The following ATP6V0A4 variants were observed in gnomAD, a reference collection of about 807,000 sequenced individuals.
ATP6V0A4 encodes the protein ATPase H+ transporting V0 subunit a4, also known as V-type proton ATPase 116 kDa subunit a 4.
A neutral mutation model predicts 107.3 loss-of-function variants in ATP6V0A4; 86 were observed. The ratio of observed to expected loss-of-function variants is 0.80; its 90% confidence interval spans 0.67 to 0.96. The LOEUF (loss-of-function observed/expected upper bound fraction) is 0.96. Ranked by LOEUF, ATP6V0A4 falls within the 40% of genes least tolerant of loss-of-function variation. The pLI, the probability that ATP6V0A4 is intolerant of heterozygous loss-of-function variation, is 0.00. For synonymous variants in ATP6V0A4, 353 were observed against 381.4 expected, an observed-to-expected ratio of 0.93 and a Z score of 0.87; for missense variants, 908 against 1,045.6, an observed-to-expected ratio of 0.87 and a Z score of 1.81.
At chr7:138,743,326 T>C (rs557838602) in intron 14 of ATP6V0A4, among the ~76,000 whole-genome samples, 72 of 151,568 alleles carry the variant, frequency 4.8e-4, no homozygotes, top group African/African-American at 1.7e-3. Context: ...GGTGTGGTGG[T>C]GTGTGCCTGT....
At position 138,735,093 on chromosome 7, in the gene ATP6V0A4, C is replaced by G. The variant is rs532284800; in HGVS notation, c.1573-839G>C. On this transcript the variant is annotated intron_variant, in intron 15 of 21. Coordinates refer to ENST00000310018, the MANE Select transcript of ATP6V0A4 (RefSeq NM_020632.3). ...GGGGATCATGTGTACCTGTCCTGCC[C>G]CAAATGATATCGATGATACTGACAT... Among the ~76,000 whole-genome samples, 3 of 152,220 alleles carry G rather than the reference C, an allele frequency of 2.0e-5. No homozygotes were observed. The South Asian group carries it at 6.2e-4, about 32-fold the overall frequency.
intron 18 of ATP6V0A4, among the ~76,000 whole-genome samples, chr7:138,728,299 C>T (rs1267752494): frequency 2.0e-5 from 3 of 151,762 alleles, no homozygotes; most frequent in Middle Eastern, 3.4e-3. Flanking sequence ...CTCGGCTCAC[C>T]GCAATCTCCC....
At chr7:138,738,685 C>T (rs998909205) in intron 15 of ATP6V0A4, among the ~76,000 whole-genome samples, 4 of 152,042 alleles carry the variant, frequency 2.6e-5, no homozygotes, top group Admixed American at 6.6e-5. Context: ...GGCAGGGAGG[C>T]GGGCGATAGC....
At chr7:138,746,329 T>C (rs1805950401) in intron 13 of ATP6V0A4, among the ~76,000 whole-genome samples, 1 of 151,976 alleles carries the variant, frequency 6.6e-6, no homozygotes, top group African/African-American at 2.4e-5. Flanking sequence ...ATAATGTGTG[T>C]CAATCATTCC....
chr7:138,789,630 T>C (rs371380214), intron 1 of ATP6V0A4, among the ~76,000 whole-genome samples: 1 of 151,922 alleles, frequency 6.6e-6, no homozygotes, highest in African/African-American at 2.4e-5. Flanking sequence ...AAAATCTGTC[T>C]GCTTCATTGT....
intron 10 of ATP6V0A4, among the ~76,000 whole-genome samples, chr7:138,755,121 C>A (rs909256854): frequency 2.0e-5 from 3 of 152,102 alleles, no homozygotes. Flanking sequence ...GCGAGGGAGG[C>A]CCAGCTGTTT....
intron 15 of ATP6V0A4, among the ~76,000 whole-genome samples, chr7:138,736,361 T>C (rs1437269485): frequency 6.6e-6 from 1 of 152,220 alleles, no homozygotes; most frequent in South Asian, 2.1e-4. Context: ...CTATGAGATA[T>C]AGTTATTCTC....
At position 138,759,881 on chromosome 7, in the gene ATP6V0A4, A is replaced by G. The variant is rs781236972; in HGVS notation, c.513-3T>C. The G allele has an allele frequency of 3.7e-6, 6 of 1,613,936 alleles. No individual in the cohort carries two copies. Among genetic ancestry groups the G allele is most frequent in the Non-Finnish European group, 5.1e-6 (6 of 1,179,998 alleles). ...TGTTGATCACACCGGCTATGAACCT[A>G]GGCAGCCAGAAGGGAAGACATTCCT... On this transcript the variant is annotated splice_region_variant and splice_polypyrimidine_tract_variant and intron_variant, in intron 7 of 21. Coordinates refer to ENST00000310018, the MANE Select transcript of ATP6V0A4 (RefSeq NM_020632.3).
chr7:138,710,285 G>A (rs531604758), intron 20 of ATP6V0A4, among the ~76,000 whole-genome samples: 1 of 149,604 alleles, frequency 6.7e-6, no homozygotes, highest in Non-Finnish European at 1.5e-5. Context: ...TCTACCTCCC[G>A]AGTTCAAGCA....
intron 2 of ATP6V0A4, among the ~76,000 whole-genome samples, chr7:138,785,731 A>G (rs1380670748): frequency 1.3e-5 from 2 of 152,076 alleles, no homozygotes; most frequent in East Asian, 1.9e-4. Flanking sequence ...CCTCCATTGT[A>G]TGCACACACA....
At chr7:138,712,357 A>G (rs559446955) in intron 20 of ATP6V0A4, among the ~76,000 whole-genome samples, 24 of 152,286 alleles carry the variant, frequency 1.6e-4, no homozygotes, top group African/African-American at 5.5e-4. Flanking sequence ...GGGTCTAAAT[A>G]AGACAGGAGG....
intron 15 of ATP6V0A4, among the ~76,000 whole-genome samples, chr7:138,739,197 G>A (rs1436329530): frequency 6.6e-6 from 1 of 152,134 alleles, no homozygotes; most frequent in Non-Finnish European, 1.5e-5. Flanking sequence ...ACAAAGCAGG[G>A]AACTTAAACT....
At chr7:138,774,438 G>T (rs1232808328) in intron 2 of ATP6V0A4, among the ~76,000 whole-genome samples, 1 of 151,762 alleles carries the variant, frequency 6.6e-6, no homozygotes, top group African/African-American at 2.4e-5. Context: ...AAAATGAGCA[G>T]AGTGTGGTGG....
chr7:138,787,785 C>T (rs1290942046), intron 1 of ATP6V0A4, among the ~76,000 whole-genome samples: 1 of 152,104 alleles, frequency 6.6e-6, no homozygotes, highest in Admixed American at 6.5e-5. Context: ...ATCGCTTGAG[C>T]CCAGGAGTTT....
chr7:138,725,514 A>C (rs929331029), intron 18 of ATP6V0A4, among the ~76,000 whole-genome samples: 4 of 147,248 alleles, frequency 2.7e-5, no homozygotes, highest in Non-Finnish European at 6.0e-5. Flanking sequence ...GGCAAAAAAA[A>C]CTTTTTTTTT....
chr7:138,740,178 C>T (rs1180106403), intron 14 of ATP6V0A4, among the ~76,000 whole-genome samples: 1 of 151,216 alleles, frequency 6.6e-6, no homozygotes, highest in Non-Finnish European at 1.5e-5. Context: ...AGGATTTGTA[C>T]CACATCAGAA....
At chr7:138,748,396 T>C (rs6954086) in intron 12 of ATP6V0A4, among the ~76,000 whole-genome samples, 3,162 of 151,972 alleles carry the variant, frequency 0.021, 107 homozygotes, top group African/African-American at 0.07. Flanking sequence ...GGTCTATCCT[T>C]TCATTTTATT....
At chr7:138,771,417 T>C (rs1268258053) in intron 2 of ATP6V0A4, 153 bp from the exon 3 acceptor site, 4 of 407,128 alleles carry the variant, frequency 9.8e-6, no homozygotes, top group East Asian at 2.0e-4. Context: ...TTTTTTTTTT[T>C]CTTAGACAGG....
intron 10 of ATP6V0A4, 94 bp downstream of exon 10, chr7:138,755,595 A>G (rs1390210758): frequency 6.4e-7 from 1 of 1,557,574 alleles, no homozygotes; most frequent in Non-Finnish European, 8.7e-7. Flanking sequence ...CCAGCCTCCC[A>G]GCAAGGGCCC....
Sources: allele counts gnomAD v4.1 joint callset (sites outside exome capture counted in the v4.1 genomes callset), GRCh38; gene constraint gnomAD v4.1.1; transcripts MANE v1.5; gene names NCBI Gene and HGNC (gene_info 2026-07-23, HGNC 2026-07-21).